The following DPYD variants were observed in gnomAD, a reference collection of about 807,000 sequenced individuals.
DPYD encodes the protein dihydropyrimidine dehydrogenase.
Under a neutral mutation model 116.2 loss-of-function variants are expected in DPYD, and 109 were observed. The observed-to-expected ratio is 0.94, with a 90% CI of 0.80 to 1.10. The LOEUF (loss-of-function observed/expected upper bound fraction) is 1.10. Ranked by LOEUF, DPYD falls within the 50% of genes least tolerant of loss-of-function variation. DPYD has a pLI of 0.00. For missense variants in DPYD, 1,302 were observed against 1,254.5 expected (o/e 1.04, Z -0.57); for synonymous variants, 440 against 432.0 (o/e 1.02, Z -0.23).
intron 8 of DPYD, among the ~76,000 whole-genome samples, chr1:97,674,852 T>C (rs1440505772): frequency 2.0e-5 from 3 of 152,200 alleles, no homozygotes; most frequent in Non-Finnish European, 2.9e-5. Context: ...GGGACATTGA[T>C]TGTAGTAATT....
intron 20 of DPYD, among the ~76,000 whole-genome samples, chr1:97,132,375 C>G (rs1253522177): frequency 6.6e-6 from 1 of 152,046 alleles, no homozygotes; most frequent in Non-Finnish European, 1.5e-5. Flanking sequence ...TCTATTCTAC[C>G]CCACATTCAT....
intron 8 of DPYD, among the ~76,000 whole-genome samples, chr1:97,660,831 T>C: frequency 6.6e-6 from 1 of 152,178 alleles, no homozygotes; most frequent in East Asian, 1.9e-4. Flanking sequence ...AAGCGAACAT[T>C]TCTGCCTATG....
intron 11 of DPYD, among the ~76,000 whole-genome samples, chr1:97,565,138 C>A (rs932273031): frequency 6.6e-6 from 1 of 152,090 alleles, no homozygotes; most frequent in African/African-American, 2.4e-5. Context: ...CTCATAACGG[C>A]ATTTACTGTG....
At chr1:97,705,782 T>C (rs1446403018) in intron 5 of DPYD, among the ~76,000 whole-genome samples, 1 of 152,190 alleles carries the variant, frequency 6.6e-6, no homozygotes, top group South Asian at 2.1e-4. Flanking sequence ...TGTCCACATC[T>C]TCTCCAGCAC....
At chr1:97,169,433 G>A (rs1031517921) in intron 20 of DPYD, among the ~76,000 whole-genome samples, 3 of 152,072 alleles carry the variant, frequency 2.0e-5, no homozygotes, top group African/African-American at 4.8e-5. Context: ...TTTCCAAGGC[G>A]AAATACTTGA....
intron 14 of DPYD, among the ~76,000 whole-genome samples, chr1:97,399,022 A>G (rs1395673165): frequency 6.6e-6 from 1 of 152,208 alleles, no homozygotes; most frequent in Non-Finnish European, 1.5e-5. Flanking sequence ...GTCCTTGTCC[A>G]TGCCTATGTC....
chr1:97,292,335 G>A (rs1456089897), intron 18 of DPYD, among the ~76,000 whole-genome samples: 1 of 152,154 alleles, frequency 6.6e-6, no homozygotes, highest in Non-Finnish European at 1.5e-5. Context: ...GAGACCTCAG[G>A]AAACTTACAA....
At chr1:97,658,551 T>A (rs1268003092) in intron 8 of DPYD, among the ~76,000 whole-genome samples, 1 of 152,094 alleles carries the variant, frequency 6.6e-6, no homozygotes. Context: ...TGATATTAAA[T>A]TATAAGGAAA....
intron 12 of DPYD, chr1:97,546,611 C>G: frequency 6.2e-7 from 1 of 1,612,226 alleles, no homozygotes; most frequent in Non-Finnish European, 8.5e-7. Context: ...CTTTACTTTC[C>G]TGAGGAAAAA....
chr1:97,751,978 C>T (rs1664955228), intron 3 of DPYD, among the ~76,000 whole-genome samples: 1 of 151,950 alleles, frequency 6.6e-6, no homozygotes. Context: ...GGGCTGGTGT[C>T]GAACTCCTCA....
chr1:97,828,007 G>C, intron 3 of DPYD, 107 bp downstream of exon 3: 3 of 1,088,114 alleles, frequency 2.8e-6, no homozygotes, highest in East Asian at 2.5e-5. Context: ...TAATACCTTA[G>C]AGAACAGAGC....
intron 2 of DPYD, 73 bp from the exon 3 acceptor site, chr1:97,828,269 A>C: frequency 7.3e-7 from 1 of 1,365,718 alleles, no homozygotes; most frequent in Non-Finnish European, 1.0e-6. Context: ...GTTATGCAAA[A>C]ATGTAATTGA....
At chr1:97,850,646 T>C (rs1558007713) in intron 2 of DPYD, among the ~76,000 whole-genome samples, 1 of 152,104 alleles carries the variant, frequency 6.6e-6, no homozygotes, top group Non-Finnish European at 1.5e-5. Flanking sequence ...TAAAGGGTGC[T>C]GTGCAATCAT....
intron 20 of DPYD, among the ~76,000 whole-genome samples, chr1:97,180,815 C>T (rs1397219349): frequency 6.6e-6 from 1 of 151,998 alleles, no homozygotes; most frequent in African/African-American, 2.4e-5. Flanking sequence ...TTGTGTTTGG[C>T]AATTTGATGT....
At chr1:97,373,933 T>C (rs1356005847) in intron 15 of DPYD, among the ~76,000 whole-genome samples, 2 of 152,196 alleles carry the variant, frequency 1.3e-5, no homozygotes. Context: ...CTTTGTATTA[T>C]TATGCTACCA....
At chr1:97,869,513 C>A (rs1363097180) in intron 2 of DPYD, among the ~76,000 whole-genome samples, 1 of 151,728 alleles carries the variant, frequency 6.6e-6, no homozygotes, top group Non-Finnish European at 1.5e-5. Flanking sequence ...CAACAAACTG[C>A]AGAAAGAGCT....
intron 12 of DPYD, among the ~76,000 whole-genome samples, chr1:97,547,490 T>A (rs930767101): frequency 2.0e-5 from 3 of 152,098 alleles, no homozygotes; most frequent in African/African-American, 7.2e-5. Context: ...CCAGTGTCTG[T>A]CTCTGTTTAA....
In DPYD at chr1:97,450,484, C is replaced by A. The variant is rs142920874; in HGVS notation, c.1741-261G>T. Among the ~76,000 whole-genome samples, 374 of 152,114 alleles carry A rather than the reference C, an allele frequency of 2.5e-3. 2 individuals are homozygous for A. Among genetic ancestry groups the A allele is most frequent in the Middle Eastern group, 0.01 (3 of 286 alleles). ...GCGCAAAAATAAAAATATTTATATT[C>A]ATTAACACTCATTTAGGGCATACTC... On this transcript the variant is annotated intron_variant, in intron 13 of 22. Coordinates refer to ENST00000370192, the MANE Select transcript of DPYD (RefSeq NM_000110.4).
intron 12 of DPYD, among the ~76,000 whole-genome samples, chr1:97,547,523 C>A (rs1650992046): frequency 6.6e-6 from 1 of 152,076 alleles, no homozygotes; most frequent in South Asian, 2.1e-4. Context: ...TTCTTTCTTT[C>A]TTTCTTTGCC....
Sources: gnomAD v4.1 joint callset for allele counts (sites outside exome capture counted in the v4.1 genomes callset) on GRCh38, gnomAD v4.1.1 for gene constraint, MANE v1.5 for transcripts, NCBI Gene and HGNC (gene_info 2026-07-23, HGNC 2026-07-21) for gene names.